CHD7: variants seen among roughly 807,000 people sequenced by gnomAD.
CHD7 encodes ATP-dependent chromatin remodeler CHD7.
A neutral mutation model predicts 307.3 loss-of-function variants in CHD7; 24 were observed. The ratio of observed to expected loss-of-function variants is 0.08; its 90% confidence interval spans 0.06 to 0.11. The LOEUF (loss-of-function observed/expected upper bound fraction) is 0.11, where lower values mean the gene tolerates loss of function less well. CHD7 is among the 10% of genes least tolerant of loss of function. The pLI is 1.00. For synonymous variants in CHD7, 1,363 were observed against 1,349.9 expected, an observed-to-expected ratio of 1.01 and a Z score of -0.21; for missense variants, 3,106 against 3,727.1, an observed-to-expected ratio of 0.83 and a Z score of 4.34.
rs186271219 is a variant in CHD7, at chr8:60,750,952, A to G, written c.1665+7855A>G. Reference sequence around the variant, plus strand: ...GGAAGTAGTAGCGGTGTTTTTAGGTATAATGAATAAATGCAGTACTAGGGG... The same window carrying G: ...GGAAGTAGTAGCGGTGTTTTTAGGTGTAATGAATAAATGCAGTACTAGGGG... On this transcript the variant is annotated intron_variant, in intron 2 of 37. Transcript: ENST00000423902. 6.6e-5 allele frequency among the ~76,000 whole-genome samples: 10 copies of G among 152,346 alleles called. No individual in the cohort carries two copies. The East Asian group carries it at 1.9e-3, about 29-fold the overall frequency.
rs773275494 is a variant in CHD7 at position 60,852,621 on chromosome 8, A to G, written c.6018A>G (p.Lys2006=). The change falls in exon 30 of 38, where the codon AAA becomes AAG. Residue 2006 remains lysine, a synonymous_variant. Transcript: ENST00000423902. ...QFRAFARLDK[K]SDESLEKYFS... is the part of the protein sequence containing the mutation. ...GAGCCTTTGCCAGGCTTGACAAAAA[A>G]TCTGATGAGAGTTTGGAGAAATACT... 1.2e-6 allele frequency: 2 copies of G among 1,614,030 alleles called. No individual in the cohort carries two copies. Among genetic ancestry groups the G allele is most frequent in the Non-Finnish European group, 1.7e-6 (2 of 1,179,898 alleles).
intron 4 of CHD7, among the ~76,000 whole-genome samples, chr8:60,797,959 T>C (rs1812109182): frequency 1.3e-5 from 2 of 152,210 alleles, no homozygotes. Flanking sequence ...TTATGTACCA[T>C]GTACTGTTCT....
chr8:60,801,417 C>A, intron 5 of CHD7, 111 bp from the exon 6 acceptor site: 1 of 739,132 alleles, frequency 1.4e-6, no homozygotes, highest in Non-Finnish European at 2.3e-6. Flanking sequence ...AACTTTGTAC[C>A]CAGTGACTTA....
In CHD7 at chr8:60,836,097, A is replaced by T; in HGVS notation, c.3803A>T (p.Glu1268Val). The T allele has an allele frequency of 3.1e-6, 5 of 1,612,258 alleles. No homozygotes were observed. In the East Asian group the frequency reaches 1.1e-4, roughly 36 times the overall value. Residue 1268 changes from glutamate (E) to valine (V), a missense_variant, in exon 16 of 38, where the codon GAG becomes GTG. Around this residue, in one of 10 missense-constraint regions of CHD7, gnomAD observed 232 missense variants for 422.5 expected, o/e 0.55. Coordinates refer to ENST00000423902, the MANE Select transcript of CHD7 (RefSeq NM_017780.4). Reference protein sequence around the residue: ...INGAEEKILEEFKETHNAESP... With the variant: ...INGAEEKILEVFKETHNAESP... The stretch of plus-strand genomic sequence containing the variant: ...GGTGCTGAAGAGAAAATTTTGGAAG[A>T]GTTTAAAGAAACACACAATGCAGAG...
intron 2 of CHD7, among the ~76,000 whole-genome samples, chr8:60,754,788 G>A (rs953514162): frequency 2.6e-5 from 4 of 152,198 alleles, no homozygotes; most frequent in Non-Finnish European, 5.9e-5. Context: ...TTAAGTTGAC[G>A]TCCTGTTTCA....
At chr8:60,751,295 T>G (rs1809629772) in intron 2 of CHD7, among the ~76,000 whole-genome samples, 1 of 152,158 alleles carries the variant, frequency 6.6e-6, no homozygotes, top group Admixed American at 6.5e-5. Context: ...ATATGCATGA[T>G]CCCCCCTCCC....
chr8:60,736,671 G>A (rs1277765232), intron 1 of CHD7, among the ~76,000 whole-genome samples: 1 of 152,204 alleles, frequency 6.6e-6, no homozygotes, highest in Non-Finnish European at 1.5e-5. Context: ...ATAGTCTTCA[G>A]TATCCAATAG....
Position 60,845,246 on chromosome 8 carries a change from C to G in CHD7, c.5051-4C>G, listed in dbSNP as rs71640288. The G allele has an allele frequency of 1.9e-6, 3 of 1,606,566 alleles. No individual in the cohort carries two copies. The highest frequency in any genetic ancestry group is 1.7e-4 in the Middle Eastern group (1 of 6,004). On this transcript the variant is annotated splice_polypyrimidine_tract_variant and splice_region_variant and intron_variant, in intron 22 of 37. Coordinates refer to ENST00000423902, the MANE Select transcript of CHD7 (RefSeq NM_017780.4). Reference sequence around the variant, plus strand: ...TTCTATTATTATTATGATGGTGATTCTAGGTTTGTCAGCTCCTGTGCCAAG... The same window carrying G: ...TTCTATTATTATTATGATGGTGATTGTAGGTTTGTCAGCTCCTGTGCCAAG...
chr8:60,804,230 A>G (rs1214381995), intron 6 of CHD7, among the ~76,000 whole-genome samples: 1 of 152,218 alleles, frequency 6.6e-6, no homozygotes, highest in Admixed American at 6.5e-5. Flanking sequence ...AGGTAGATAT[A>G]TGAGTAGATA....
At chr8:60,794,723 C>T (rs1811935638) in intron 3 of CHD7, among the ~76,000 whole-genome samples, 1 of 152,150 alleles carries the variant, frequency 6.6e-6, no homozygotes, top group African/African-American at 2.4e-5. Flanking sequence ...GATATACTGG[C>T]AGGCATTTTG....
At chr8:60,796,027 T>G (rs933119920) in intron 4 of CHD7, among the ~76,000 whole-genome samples, 1 of 152,158 alleles carries the variant, frequency 6.6e-6, no homozygotes, top group Admixed American at 6.5e-5. Context: ...AACAAAATAT[T>G]TGTAGTGTGC....
intron 1 of CHD7, among the ~76,000 whole-genome samples, chr8:60,740,787 C>T (rs992175957): frequency 6.6e-6 from 1 of 152,160 alleles, no homozygotes; most frequent in South Asian, 2.1e-4. Flanking sequence ...CTTTTCACAG[C>T]CCTTGGTGCT....
At chr8:60,830,001 C>T (rs769123854) in intron 14 of CHD7, among the ~76,000 whole-genome samples, 3 of 152,172 alleles carry the variant, frequency 2.0e-5, no homozygotes, top group Non-Finnish European at 4.4e-5. Flanking sequence ...TGTCCCTCTT[C>T]TCTATCTTCC....
rs760059830 is a variant in CHD7, at chr8:60,856,148, C to T, written c.7110C>T (p.Gly2370=). 3.1e-6 allele frequency: 5 copies of T among 1,607,326 alleles called. No homozygotes were observed. The South Asian group carries it at 4.5e-5, about 14-fold the overall frequency. The stretch of plus-strand genomic sequence containing the variant: ...GCTTTGCTGAGCTCTCCATGGTCGG[C>T]CAAGCCAGCATTAGTGGGAGTGAGG... ...KRSFAELSMV[G]QASISGSEDI... is the part of the protein sequence containing the mutation. Residue 2370 remains glycine, a synonymous_variant, in exon 33 of 38, where the codon GGC becomes GGT. Transcript: ENST00000423902.
rs1045838280 is a variant in CHD7 at position 60,866,431 on chromosome 8, A to G, written c.*498A>G. On this transcript the variant is annotated 3_prime_UTR_variant, in exon 38 of 38. Coordinates refer to ENST00000423902, the MANE Select transcript of CHD7 (RefSeq NM_017780.4). ...TATGGGGGTTCCCACACTCGTGCAT[A>G]CACACACATCCATACACTCTGACAA... The G allele has an allele frequency of 3.3e-5, 5 of 153,088 alleles. No individual in the cohort carries two copies. The highest frequency in any genetic ancestry group is 9.7e-5 in the African/African-American group (4 of 41,426). The allele number at this position is 153,088 out of a possible 1,614,324, so 9.5% of individuals were successfully genotyped here.
rs987123300 is a variant in CHD7, at chr8:60,746,222, C to T, written c.1665+3125C>T. 2.0e-5 allele frequency among the ~76,000 whole-genome samples: 3 copies of T among 152,010 alleles called. No individual in the cohort carries two copies. The South Asian group carries it at 6.2e-4, about 32-fold the overall frequency. On this transcript the variant is annotated intron_variant, in intron 2 of 37. Coordinates refer to ENST00000423902, the MANE Select transcript of CHD7 (RefSeq NM_017780.4). ...CTAATTTTTGTATTTTTAGTGGAAA[C>T]GAGGTTTCACCAAAATTAACTTTAT... is the stretch of plus-strand genomic sequence containing the variant.
At chr8:60,737,584 A>G (rs1315083990) in intron 1 of CHD7, among the ~76,000 whole-genome samples, 1 of 152,094 alleles carries the variant, frequency 6.6e-6, no homozygotes, top group Non-Finnish European at 1.5e-5. Flanking sequence ...CTGTTAGTTG[A>G]GTGGTCTCGT....
chr8:60,717,268 TGTG>T (rs1807657561), intron 1 of CHD7, among the ~76,000 whole-genome samples: 1 of 152,240 alleles, frequency 6.6e-6, no homozygotes, highest in Non-Finnish European at 1.5e-5. Flanking sequence ...AGTGTATCAT[TGTG>T]GTGTTTTCCA....
At chr8:60,744,884 T>G (rs1809248234) in intron 2 of CHD7, among the ~76,000 whole-genome samples, 1 of 151,408 alleles carries the variant, frequency 6.6e-6, no homozygotes, top group Non-Finnish European at 1.5e-5. Context: ...TTTTTTAATT[T>G]TAGATTCACG....
Sources: allele counts gnomAD v4.1 joint callset (sites outside exome capture counted in the v4.1 genomes callset), GRCh38; gene constraint gnomAD v4.1.1; regional missense constraint gnomAD v4.1.1; transcripts MANE v1.5; gene names NCBI Gene and HGNC (gene_info 2026-07-23, HGNC 2026-07-21).